The following SLC22A23 variants were observed in gnomAD, a reference collection of about 807,000 sequenced individuals.
The protein encoded by SLC22A23 is solute carrier family 22 member 23.
In SLC22A23, 26 loss-of-function variants were observed where a neutral mutation model predicts 61.0. That is an observed-to-expected ratio of 0.43 (90% CI 0.31 to 0.59). The LOEUF is 0.59. SLC22A23 is among the 20% of genes least tolerant of loss of function. The pLI, the probability that SLC22A23 is intolerant of heterozygous loss-of-function variation, is 0.11. For missense variants in SLC22A23, 796 were observed against 934.7 expected, an observed-to-expected ratio of 0.85 and a Z score of 1.94; for synonymous variants, 430 against 413.9, an observed-to-expected ratio of 1.04 and a Z score of -0.47.
intron 9 of SLC22A23, chr6:3,283,442 C>T (rs574178273): frequency 8.7e-4 from 236 of 270,558 alleles, no homozygotes; most frequent in Non-Finnish European, 1.3e-3. Flanking sequence ...CGGGGAGGGC[C>T]GGGGGGTAGG....
Position 3,308,337 on chromosome 6 carries a change from A to G in SLC22A23, c.1083-10119T>C, listed in dbSNP as rs971039418. Among the ~76,000 whole-genome samples the G allele has an allele frequency of 2.0e-5, 3 of 152,086 alleles. No homozygotes were observed. The highest frequency in any genetic ancestry group is 7.2e-5 in the African/African-American group (3 of 41,388). ...GTGGGCACATGTCCTTCCAAATCGT[A>G]TTCAGGGCGCTGACACGCACCTGCA... On this transcript the variant is annotated intron_variant, in intron 4 of 9. Coordinates refer to ENST00000406686, the MANE Select transcript of SLC22A23 (RefSeq NM_015482.2). This position sits in a 1 kb window ranked among gnomAD's most constrained non-coding sequence, Gnocchi z 5.1.
chr6:3,421,655 T>G (rs1166319509), intron 1 of SLC22A23, among the ~76,000 whole-genome samples: 2 of 152,170 alleles, frequency 1.3e-5, no homozygotes, highest in African/African-American at 4.8e-5. Context: ...TTTCTTGACT[T>G]TTCCAAACTT....
chr6:3,388,734 C>T (rs1767464360), intron 3 of SLC22A23, among the ~76,000 whole-genome samples: 1 of 152,166 alleles, frequency 6.6e-6, no homozygotes, highest in Admixed American at 6.5e-5. Context: ...ATGATACAGC[C>T]TTGAGAAGGA....
intron 3 of SLC22A23, among the ~76,000 whole-genome samples, chr6:3,388,894 G>A (rs1193778878): frequency 6.6e-6 from 1 of 152,150 alleles, no homozygotes; most frequent in South Asian, 2.1e-4. Flanking sequence ...GCAGAATGGG[G>A]GTTCCCAGGG....
intron 1 of SLC22A23, among the ~76,000 whole-genome samples, chr6:3,434,607 T>C (rs1471865663): frequency 7.0e-6 from 1 of 142,460 alleles, no homozygotes; most frequent in Non-Finnish European, 1.5e-5. Context: ...AGACTCCATC[T>C]CAAAAAAAAA....
At chr6:3,284,104 C>G in intron 8 of SLC22A23, 129 bp from the exon 9 acceptor site, 1 of 923,204 alleles carries the variant, frequency 1.1e-6, no homozygotes. Context: ...GTATGCAATT[C>G]CCTCTGGGGA....
intron 4 of SLC22A23, among the ~76,000 whole-genome samples, chr6:3,314,105 C>T (rs972792124): frequency 1.3e-5 from 2 of 152,220 alleles, no homozygotes; most frequent in Admixed American, 6.5e-5. Flanking sequence ...TCAGCTTAAC[C>T]CATTTTTATT....
chr6:3,383,210 G>C (rs566819460), intron 3 of SLC22A23, among the ~76,000 whole-genome samples: 8 of 152,364 alleles, frequency 5.3e-5, no homozygotes, highest in South Asian at 2.1e-4. Flanking sequence ...ATAACGTATG[G>C]AGGAACACAC....
At chr6:3,445,291 C>T (rs1033872688) in intron 1 of SLC22A23, among the ~76,000 whole-genome samples, 2 of 152,110 alleles carry the variant, frequency 1.3e-5, no homozygotes, top group African/African-American at 4.8e-5. Context: ...TTCCGCCTCC[C>T]AGGTTCAAGC....
intron 1 of SLC22A23, among the ~76,000 whole-genome samples, chr6:3,423,023 C>CT (rs1396839512): frequency 1.3e-5 from 2 of 151,588 alleles, no homozygotes; most frequent in Non-Finnish European, 2.9e-5. Flanking sequence ...CATTCGAACC[C>CT]TTAAGCAACA....
intron 3 of SLC22A23, among the ~76,000 whole-genome samples, chr6:3,382,672 A>G (rs1274886874): frequency 1.3e-5 from 2 of 152,196 alleles, no homozygotes; most frequent in Non-Finnish European, 2.9e-5. Flanking sequence ...TGTAACACCC[A>G]TTTGTTTACA....
At chr6:3,323,161 C>A (rs984694191) in intron 4 of SLC22A23, 8 of 438,516 alleles carry the variant, frequency 1.8e-5, no homozygotes, top group African/African-American at 1.6e-4. Flanking sequence ...TTAAGGTTAC[C>A]CATAGTTCAA....
At chr6:3,415,694 C>T (rs1769647625) in intron 2 of SLC22A23, 58 bp downstream of exon 2, 14 of 1,231,892 alleles carry the variant, frequency 1.1e-5, no homozygotes, top group Non-Finnish European at 1.6e-5. Flanking sequence ...TTTTCTTTAG[C>T]CAGCAAAGGC....
At chr6:3,399,900 C>A (rs1016185272) in intron 3 of SLC22A23, among the ~76,000 whole-genome samples, 1 of 152,234 alleles carries the variant, frequency 6.6e-6, no homozygotes, top group African/African-American at 2.4e-5. Flanking sequence ...TTTTTTGAGA[C>A]GGAGTTTTGC....
chr6:3,297,985 T>G lies in SLC22A23; in HGVS notation c.1210+106A>C. On this transcript the variant is annotated intron_variant, in intron 5 of 9. Transcript: ENST00000406686. This position sits in a 1 kb window ranked among gnomAD's most constrained non-coding sequence, Gnocchi z 4.3. The stretch of plus-strand genomic sequence containing the variant: ...TGCAGGCCAAAAGGTCACAGGAGAA[T>G]TGCACAGCTGGTTAAAACAGCTGTT... 1 of 1,329,070 alleles carries G rather than the reference T, an allele frequency of 7.5e-7. No individual in the cohort carries two copies. The highest frequency in any genetic ancestry group is 9.9e-7 in the Non-Finnish European group (1 of 1,013,732). 82.3% of individuals were successfully genotyped at this position (1,329,070 alleles called of 1,614,324 possible).
intron 4 of SLC22A23, among the ~76,000 whole-genome samples, chr6:3,301,416 A>G (rs189734754): frequency 6.6e-6 from 1 of 152,352 alleles, no homozygotes; most frequent in Admixed American, 6.5e-5. Flanking sequence ...CAATATATGA[A>G]TATATATAAA....
chr6:3,293,781 G>A (rs183713600), intron 5 of SLC22A23, among the ~76,000 whole-genome samples: 2 of 152,290 alleles, frequency 1.3e-5, no homozygotes, highest in African/African-American at 2.4e-5. Flanking sequence ...CCACCCTCTC[G>A]TCATCTTAGG....
At chr6:3,315,248 T>G (rs964181171) in intron 4 of SLC22A23, among the ~76,000 whole-genome samples, 7 of 152,022 alleles carry the variant, frequency 4.6e-5, no homozygotes, top group Non-Finnish European at 1.0e-4. Flanking sequence ...GCCAGCAAGA[T>G]GCCCCATCTG....
intron 4 of SLC22A23, among the ~76,000 whole-genome samples, chr6:3,314,075 CAAG>C (rs1762504249): frequency 6.6e-6 from 1 of 152,204 alleles, no homozygotes; most frequent in South Asian, 2.1e-4. Flanking sequence ...TCAACGATAA[CAAG>C]AAGAAAACTT....
Sources: allele counts gnomAD v4.1 joint callset (sites outside exome capture counted in the v4.1 genomes callset), GRCh38; gene constraint gnomAD v4.1.1; non-coding constraint Gnocchi (gnomAD v3.1); transcripts MANE v1.5; gene names NCBI Gene and HGNC (gene_info 2026-07-23, HGNC 2026-07-21).